Variants in PSD3 observed in about 807,000 individuals in gnomAD.
PSD3 encodes PH and SEC7 domain-containing protein 3.
PSD3 carries 49 observed loss-of-function variants against 105.5 expected under a neutral mutation model. That is an observed-to-expected ratio of 0.46 (90% CI 0.37 to 0.59). The LOEUF (loss-of-function observed/expected upper bound fraction) is 0.59, where lower values mean the gene tolerates loss of function less well. Ranked by LOEUF, PSD3 falls within the 20% of genes least tolerant of loss-of-function variation. PSD3 has a pLI of 0.00. For synonymous variants in PSD3, 557 were observed against 457.8 expected (o/e 1.22, Z -2.77); for missense variants, 1,561 against 1,263.8 (o/e 1.24, Z -3.57).
intron 1 of PSD3, among the ~76,000 whole-genome samples, chr8:19,065,436 G>A (rs1829044074): frequency 6.6e-6 from 1 of 152,074 alleles, no homozygotes. Context: ...AGTCTGACAA[G>A]ACTGCACCCC....
chr8:18,770,648 T>C (rs975032781), intron 8 of PSD3, among the ~76,000 whole-genome samples: 1 of 152,130 alleles, frequency 6.6e-6, no homozygotes, highest in African/African-American at 2.4e-5. Context: ...TCTGTACTGG[T>C]CCCGCAGCAA....
At chr8:18,961,516 C>T (rs4480159) in intron 1 of PSD3, among the ~76,000 whole-genome samples, 11 of 152,074 alleles carry the variant, frequency 7.2e-5, no homozygotes, top group African/African-American at 2.7e-4. Flanking sequence ...TGATGAAACC[C>T]CATCTCTACT....
intron 12 of PSD3, among the ~76,000 whole-genome samples, chr8:18,580,741 A>C (rs909386643): frequency 6.6e-6 from 1 of 152,200 alleles, no homozygotes; most frequent in African/African-American, 2.4e-5. Flanking sequence ...ACTTCTAAAG[A>C]CAGGGTAAAG....
At chr8:18,575,565 T>G (rs901092831) in intron 12 of PSD3, among the ~76,000 whole-genome samples, 1 of 152,146 alleles carries the variant, frequency 6.6e-6, no homozygotes, top group Non-Finnish European at 1.5e-5. Flanking sequence ...AATAGCTAAG[T>G]AAGGCCAAAG....
At chr8:18,968,498 G>C (rs1480002641) in intron 1 of PSD3, among the ~76,000 whole-genome samples, 1 of 152,170 alleles carries the variant, frequency 6.6e-6, no homozygotes, top group Non-Finnish European at 1.5e-5. Context: ...ATCACACGAT[G>C]CACGCTTCTT....
Position 18,662,762 on chromosome 8 carries a change from C to T in PSD3, c.2173-7077G>A, listed in dbSNP as rs578054047. On this transcript the variant is annotated intron_variant, in intron 9 of 15. Transcript: ENST00000327040. ...CTAGTCCTTTCTTTAGTCTCTGCTC[C>T]CTTTTCCTGTGTTCCTCACTAAATA... Among the ~76,000 whole-genome samples the T allele has an allele frequency of 1.2e-4, 19 of 152,328 alleles. No individual in the cohort carries two copies. The East Asian group carries it at 3.7e-3, about 29-fold the overall frequency.
At chr8:18,677,555 T>G (rs721562) in intron 9 of PSD3, among the ~76,000 whole-genome samples, 94,574 of 152,028 alleles carry the variant, frequency 0.62, 30,227 homozygotes, top group Middle Eastern at 0.74. Context: ...GAGTGAAAGT[T>G]TTTATTTTGG....
chr8:19,006,310 A>AAG (rs1554566754), intron 1 of PSD3, among the ~76,000 whole-genome samples: 10 of 149,816 alleles, frequency 6.7e-5, no homozygotes, highest in African/African-American at 2.5e-4. Flanking sequence ...AAAAAAAAAA[A>AAG]AAAGAATATA....
At position 18,533,181 on chromosome 8, in the gene PSD3, T is replaced by G. The variant is rs901933; in HGVS notation, c.*2562A>C. The G allele has an allele frequency of 0.59, 90,078 of 152,002 alleles. 28,430 individuals are homozygous for G. The highest frequency in any genetic ancestry group is 0.79 in the East Asian group (4,077 of 5,152). The allele number at this position is 152,002 out of a possible 1,614,324, so 9.4% of individuals were successfully genotyped here. On this transcript the variant is annotated 3_prime_UTR_variant, in exon 16 of 16. Transcript: ENST00000327040. Reference sequence around the variant, plus strand: ...CAGAATCTAGGCAAATCAGTGACTGTTTCCTCCCATAGCATAAACTCTTGG... The same window carrying G: ...CAGAATCTAGGCAAATCAGTGACTGGTTCCTCCCATAGCATAAACTCTTGG...
At chr8:18,607,490 C>T (rs1563372106) in intron 11 of PSD3, among the ~76,000 whole-genome samples, 1 of 152,034 alleles carries the variant, frequency 6.6e-6, no homozygotes, top group Non-Finnish European at 1.5e-5. Flanking sequence ...GAACCGGCAG[C>T]ACTTGTTTCT....
intron 1 of PSD3, among the ~76,000 whole-genome samples, chr8:18,963,252 A>G (rs2114491): frequency 1 from 152,196 of 152,280 alleles, 76,056 homozygotes; most frequent in Middle Eastern, 1. Flanking sequence ...AATTATGGGC[A>G]TACAATTCAA....
At chr8:19,073,335 G>A (rs2129478017) in intron 1 of PSD3, among the ~76,000 whole-genome samples, 1 of 152,184 alleles carries the variant, frequency 6.6e-6, no homozygotes, top group South Asian at 2.1e-4. Context: ...CGGATCACTT[G>A]GGGTTGGGAG....
At chr8:18,971,010 A>T (rs1231149149) in intron 1 of PSD3, among the ~76,000 whole-genome samples, 1 of 151,854 alleles carries the variant, frequency 6.6e-6, no homozygotes, top group Non-Finnish European at 1.5e-5. Context: ...AAAATTCCTA[A>T]CTGCCACATA....
intron 11 of PSD3, among the ~76,000 whole-genome samples, chr8:18,618,890 T>C (rs1443078868): frequency 6.6e-6 from 1 of 152,082 alleles, no homozygotes; most frequent in Non-Finnish European, 1.5e-5. Flanking sequence ...CTTAATATGT[T>C]GCTCAGGCTG....
chr8:18,802,625 G>A (rs762003895), intron 6 of PSD3, among the ~76,000 whole-genome samples: 1 of 152,098 alleles, frequency 6.6e-6, no homozygotes, highest in Non-Finnish European at 1.5e-5. Context: ...TGCATGAAAA[G>A]AGCCCCACGA....
chr8:18,866,040 C>A (rs1375046775), intron 4 of PSD3, among the ~76,000 whole-genome samples: 2 of 152,166 alleles, frequency 1.3e-5, no homozygotes, highest in Non-Finnish European at 2.9e-5. Context: ...GTGGCTTTTG[C>A]AGTGAAGCCT....
intron 15 of PSD3, among the ~76,000 whole-genome samples, chr8:18,546,362 G>A (rs1233846004): frequency 6.6e-6 from 1 of 152,132 alleles, no homozygotes; most frequent in Non-Finnish European, 1.5e-5. Flanking sequence ...AGTATCATAA[G>A]TAGTCATCTT....
intron 7 of PSD3, among the ~76,000 whole-genome samples, chr8:18,800,270 T>C (rs1156994640): frequency 6.6e-6 from 1 of 152,198 alleles, no homozygotes; most frequent in East Asian, 1.9e-4. Flanking sequence ...CTTCATTCTC[T>C]TGTCAGGGCT....
chr8:18,981,564 A>G (rs1825254768), intron 1 of PSD3, among the ~76,000 whole-genome samples: 1 of 152,246 alleles, frequency 6.6e-6, no homozygotes, highest in African/African-American at 2.4e-5. Context: ...GATTCTGTAT[A>G]TACAGGCATA....
Sources: gnomAD v4.1 joint callset for allele counts (sites outside exome capture counted in the v4.1 genomes callset) on GRCh38, gnomAD v4.1.1 for gene constraint, MANE v1.5 for transcripts, NCBI Gene and HGNC (gene_info 2026-07-23, HGNC 2026-07-21) for gene names.